MCEE: variants seen among roughly 807,000 people sequenced by gnomAD.
The protein encoded by MCEE is methylmalonyl-CoA epimerase, mitochondrial.
A neutral mutation model predicts 12.9 loss-of-function variants in MCEE; 6 were observed. That is an observed-to-expected ratio of 0.47 (90% CI 0.26 to 0.92). MCEE has a LOEUF of 0.92. Among genes scored for constraint, MCEE ranks in the 40% least tolerant of loss-of-function variants. MCEE has a pLI of 0.16. For missense variants in MCEE, 214 were observed against 212.1 expected (o/e 1.01, Z -0.05); for synonymous variants, 78 against 77.9 (o/e 1.00, Z -0.01).
chr2:71,109,839 T>G lies in MCEE; in HGVS notation c.*131A>C, dbSNP rs916810035. On this transcript the variant is annotated 3_prime_UTR_variant, in exon 3 of 3. Transcript: ENST00000244217. Reference sequence around the variant, plus strand: ...TTTATATATGTATATATTTTAATCTTTCTGTAATTCAGTCTTTAACTGTGA... The same window carrying G: ...TTTATATATGTATATATTTTAATCTGTCTGTAATTCAGTCTTTAACTGTGA... 1.3e-5 allele frequency: 9 copies of G among 707,090 alleles called. No individual in the cohort carries two copies. The South Asian group carries it at 1.6e-4, about 12-fold the overall frequency. The allele number at this position is 707,090 out of a possible 1,614,324, so 43.8% of individuals were successfully genotyped here.
rs190151015 is a variant in MCEE at position 71,128,018 on chromosome 2, G to T, written c.40+2162C>A. Among the ~76,000 whole-genome samples the T allele has an allele frequency of 1.8e-3, 270 of 152,282 alleles. 1 individual carries two copies. Among genetic ancestry groups the T allele is most frequent in the Non-Finnish European group, 2.2e-4 (15 of 68,032 alleles). On this transcript the variant is annotated intron_variant, in intron 1 of 2. Coordinates refer to ENST00000244217, the MANE Select transcript of MCEE (RefSeq NM_032601.4). ...TTAGAAGTGCTTTCAAGTTAGTCTG[G>T]TAAGTTTTCTCTTAAACATTTGACC...
At chr2:71,113,801 A>T (rs1279962508) in intron 2 of MCEE, among the ~76,000 whole-genome samples, 1 of 152,202 alleles carries the variant, frequency 6.6e-6, no homozygotes, top group Non-Finnish European at 1.5e-5. Flanking sequence ...TGGAGGAGAA[A>T]AAAAGAACAG....
chr2:71,113,798 G>GA (rs1352544754), intron 2 of MCEE, among the ~76,000 whole-genome samples: 1 of 152,062 alleles, frequency 6.6e-6, no homozygotes, highest in African/African-American at 2.4e-5. Flanking sequence ...GTATGGAGGA[G>GA]AAAAAAAGAA....
intron 1 of MCEE, among the ~76,000 whole-genome samples, chr2:71,125,211 A>ATATATATATATATTTTTTTT: frequency 1.9e-4 from 9 of 48,602 alleles, no homozygotes; most frequent in South Asian, 8.9e-4. Flanking sequence ...ATATATATAT[A>ATATATATATATATTTTTTTT]TTTTTTTTTT....
chr2:71,124,502 C>T lies in MCEE; in HGVS notation c.82G>A (p.Ala28Thr). 1 of 1,614,056 alleles carries T rather than the reference C, an allele frequency of 6.2e-7. No individual in the cohort carries two copies. Among genetic ancestry groups the T allele is most frequent in the Admixed American group, 1.7e-5 (1 of 60,016 alleles). Residue 28 changes from alanine to threonine, a missense_variant, in exon 2 of 3, where the codon GCT becomes ACT. Transcript: ENST00000244217. Reference sequence around the variant, plus strand: ...TCCAAGGGCTGTGATGTGGAAGAAGCTCTTACTGTTGGAATGGGAGCTTGA... The same window carrying T: ...TCCAAGGGCTGTGATGTGGAAGAAGTTCTTACTGTTGGAATGGGAGCTTGA... ...RLQAPIPTVR[A>T]SSTSQPLDQV...
Position 71,110,035 on chromosome 2 carries a change from T to C in MCEE, c.466A>G (p.Lys156Glu), listed in dbSNP as rs368609786. ...TTAGGATGGAGAAAAATCACTGGTT[T>C]TCCATGTGCTCCTATTTTGACCTCT... The part of the protein sequence containing the change: ...SEEVKIGAHG[K>E]PVIFLHPKDC... The change falls in exon 3 of 3, where the codon AAA becomes GAA. Residue 156 changes from lysine (K) to glutamate (E), a missense_variant. Lys to Glu is a moderately conservative substitution (Grantham distance 56). Coordinates refer to ENST00000244217, the MANE Select transcript of MCEE (RefSeq NM_032601.4). The C allele has an allele frequency of 9.9e-6, 16 of 1,613,816 alleles. No homozygotes were observed. The highest frequency in any genetic ancestry group is 1.3e-5 in the Non-Finnish European group (15 of 1,179,778).
intron 1 of MCEE, among the ~76,000 whole-genome samples, chr2:71,125,760 C>G (rs1673217764): frequency 6.6e-6 from 1 of 152,148 alleles, no homozygotes; most frequent in African/African-American, 2.4e-5. Context: ...TCATTAACAA[C>G]AAGAATGGCC....
intron 2 of MCEE, among the ~76,000 whole-genome samples, chr2:71,123,551 T>C (rs955619668): frequency 1.2e-4 from 19 of 152,012 alleles, no homozygotes; most frequent in African/African-American, 3.9e-4. Flanking sequence ...TGTCATTCTT[T>C]CTATAAAAAG....
rs776823339 is a variant in MCEE, at chr2:71,124,339, T to C, written c.245A>G (p.His82Arg). The change falls in exon 2 of 3, where the codon CAT (histidine) becomes CGT (arginine). Residue 82 changes from histidine to arginine, a missense_variant. Coordinates refer to ENST00000244217, the MANE Select transcript of MCEE (RefSeq NM_032601.4). ...QVSEAVPLPE[H>R]GVSVVFVNLG... The stretch of plus-strand genomic sequence containing the variant: ...GTTGACAAAAACAACAGATACTCCA[T>C]GTTCAGGAAGAGGGACCGCTTCACT... The C allele has an allele frequency of 6.2e-7, 1 of 1,614,172 alleles. No individual in the cohort carries two copies. The highest frequency in any genetic ancestry group is 1.1e-5 in the South Asian group (1 of 91,088).
Position 71,109,887 on chromosome 2 carries a change from GAAGGACTC to G in MCEE, c.*75_*82del. On this transcript the variant is annotated 3_prime_UTR_variant, in exon 3 of 3. Transcript: ENST00000244217. ...TGAACTTTTACATGATGGAAGCAGTGAAGGACTCAATGTCATAGTACATTTTGATAGTA... is the reference window on the plus strand; with the variant it reads ...TGAACTTTTACATGATGGAAGCAGTGAATGTCATAGTACATTTTGATAGTA... 7.3e-7 allele frequency: 1 copy of G among 1,365,388 alleles called. No homozygotes were observed. Among genetic ancestry groups the G allele is most frequent in the Non-Finnish European group, 1.0e-6 (1 of 966,710 alleles). 84.6% of individuals were successfully genotyped at this position (1,365,388 alleles called of 1,614,324 possible). A position where few individuals can be genotyped will look rare whatever the true frequency, so the allele number is the denominator to read the frequency against.
In MCEE at chr2:71,121,774, A is replaced by T. The variant is rs148431537; in HGVS notation, c.378+2432T>A. On this transcript the variant is annotated intron_variant, in intron 2 of 2. Transcript: ENST00000244217. ...TAGACAAACACTCAGGTCCACTGAC[A>T]AAGACCTGCAGCCAAAAGTAACTCC... 1.8e-4 allele frequency among the ~76,000 whole-genome samples: 27 copies of T among 152,298 alleles called. No homozygotes were observed. In the East Asian group the frequency reaches 5.2e-3, roughly 29 times the overall value.
Position 71,124,198 on chromosome 2 carries a change from T to G in MCEE, c.378+8A>C. The G allele has an allele frequency of 6.2e-7, 1 of 1,603,258 alleles. No individual in the cohort carries two copies. The highest frequency in any genetic ancestry group is 8.5e-7 in the Non-Finnish European group (1 of 1,170,612). On this transcript the variant is annotated splice_region_variant and intron_variant, in intron 2 of 2. Coordinates refer to ENST00000244217, the MANE Select transcript of MCEE (RefSeq NM_032601.4). The stretch of plus-strand genomic sequence containing the variant: ...TTAAAATACCAGGCATTAAAATAAT[T>G]AAAATACCTCGATGCAGATGTGATG...
chr2:71,118,021 T>C (rs1014548407), intron 2 of MCEE, among the ~76,000 whole-genome samples: 2 of 150,192 alleles, frequency 1.3e-5, no homozygotes, highest in Non-Finnish European at 2.9e-5. Context: ...CCATGTGAGC[T>C]GGGCCACTCC....
intron 1 of MCEE, among the ~76,000 whole-genome samples, chr2:71,125,594 C>T (rs1482397717): frequency 1.3e-5 from 2 of 152,012 alleles, no homozygotes; most frequent in Non-Finnish European, 2.9e-5. Context: ...CCACCCACCT[C>T]GGTCTCCCAA....
chr2:71,115,426 C>T (rs6733979), intron 2 of MCEE, among the ~76,000 whole-genome samples: 41,183 of 144,386 alleles, frequency 0.29, 8,084 homozygotes, highest in East Asian at 0.67. Flanking sequence ...CTAGCATCTA[C>T]TTCTACTTCT....
chr2:71,128,247 T>C (rs1216934527), intron 1 of MCEE, among the ~76,000 whole-genome samples: 1 of 152,226 alleles, frequency 6.6e-6, no homozygotes, highest in East Asian at 1.9e-4. Context: ...AGAACTTTTC[T>C]ACGTGTTCAC....
At chr2:71,116,862 T>G (rs1436094696) in intron 2 of MCEE, 1 of 150,582 alleles carries the variant, frequency 6.6e-6, no homozygotes, top group African/African-American at 2.5e-5. Flanking sequence ...TTCAGGTACA[T>G]CTCATAACCT....
At chr2:71,127,829 T>C (rs2103648041) in intron 1 of MCEE, among the ~76,000 whole-genome samples, 1 of 152,346 alleles carries the variant, frequency 6.6e-6, no homozygotes, top group South Asian at 2.1e-4. Context: ...TTTTGCCATG[T>C]TGGCCAGGCT....
chr2:71,125,271 C>T (rs1456696339), intron 1 of MCEE, among the ~76,000 whole-genome samples: 4 of 138,686 alleles, frequency 2.9e-5, no homozygotes, highest in East Asian at 2.1e-4. Flanking sequence ...TGAAGTGGCG[C>T]GATCTGGGCT....
Sources: allele counts gnomAD v4.1 joint callset (sites outside exome capture counted in the v4.1 genomes callset), GRCh38; gene constraint gnomAD v4.1.1; transcripts MANE v1.5; gene names NCBI Gene and HGNC (gene_info 2026-07-23, HGNC 2026-07-21).